Variants in DCDC2C observed in about 807,000 individuals in gnomAD.
DCDC2C encodes doublecortin domain-containing protein 2C.
Under a neutral mutation model 45.0 loss-of-function variants are expected in DCDC2C, and 44 were observed. That is an observed-to-expected ratio of 0.98 (90% CI 0.77 to 1.26). The LOEUF is 1.26. Among genes scored for constraint, DCDC2C ranks in the 50% most tolerant of loss-of-function variants. The probability of loss-of-function intolerance (pLI) is 0.00; values close to 1 mark genes in which losing one functional copy is unlikely to be tolerated. For synonymous variants in DCDC2C, 187 were observed against 178.8 expected, an observed-to-expected ratio of 1.05 and a Z score of -0.37; for missense variants, 447 against 468.9, an observed-to-expected ratio of 0.95 and a Z score of 0.43.
chr2:3,750,248 A>G (rs2148122197), intron 4 of DCDC2C, among the ~76,000 whole-genome samples: 1 of 152,264 alleles, frequency 6.6e-6, no homozygotes, highest in South Asian at 2.1e-4. Context: ...CCCCTATCGC[A>G]TGGCTATGAT....
At chr2:3,738,739 T>C (rs1043243777) in intron 3 of DCDC2C, among the ~76,000 whole-genome samples, 5 of 152,122 alleles carry the variant, frequency 3.3e-5, no homozygotes, top group African/African-American at 1.2e-4. Context: ...ACCCAATTTA[T>C]CTTGTATATG....
intron 4 of DCDC2C, among the ~76,000 whole-genome samples, chr2:3,742,613 A>T (rs1336878495): frequency 6.6e-6 from 1 of 152,206 alleles, no homozygotes; most frequent in African/African-American, 2.4e-5. Context: ...ATGTTTTGTC[A>T]TCTGGAAAAC....
intron 3 of DCDC2C, among the ~76,000 whole-genome samples, chr2:3,732,653 G>C (rs758222411): frequency 2.0e-5 from 3 of 152,164 alleles, no homozygotes; most frequent in African/African-American, 7.2e-5. Context: ...TTGTAGGACT[G>C]TGTGTATCTA....
At chr2:3,754,679 G>C (rs1448115246) in intron 6 of DCDC2C, 45 bp downstream of exon 6, 1 of 1,509,352 alleles carries the variant, frequency 6.6e-7, no homozygotes, top group African/African-American at 1.4e-5. Flanking sequence ...TTCTGATTCT[G>C]GCGTCTTCTG....
At chr2:3,732,382 C>T (rs1668897124) in intron 3 of DCDC2C, among the ~76,000 whole-genome samples, 1 of 151,960 alleles carries the variant, frequency 6.6e-6, no homozygotes, top group African/African-American at 2.4e-5. Flanking sequence ...GGTTTGAGAT[C>T]TCTGGTTGGA....
intron 10 of DCDC2C, among the ~76,000 whole-genome samples, chr2:3,826,624 C>T (rs1047367575): frequency 2.2e-4 from 34 of 151,930 alleles, no homozygotes; most frequent in Admixed American, 1.6e-3. Context: ...AGCTGGCACT[C>T]GCTGACAGGC....
chr2:3,802,723 T>A (rs1386447635), intron 10 of DCDC2C, among the ~76,000 whole-genome samples: 4 of 152,180 alleles, frequency 2.6e-5, no homozygotes, highest in Non-Finnish European at 1.5e-5. Context: ...ATATCATCAC[T>A]TGAGGGGTTA....
Position 3,761,096 on chromosome 2 carries a change from C to T in DCDC2C, c.726+6462C>T, listed in dbSNP as rs1669868539. 6.6e-6 allele frequency among the ~76,000 whole-genome samples: 1 copy of T among 152,200 alleles called. No homozygotes were observed. The highest frequency in any genetic ancestry group is 6.5e-5 in the Admixed American group (1 of 15,284). On this transcript the variant is annotated intron_variant, in intron 6 of 10. Coordinates refer to ENST00000399143, the MANE Select transcript of DCDC2C (RefSeq NM_001287444.2). The surrounding 1 kb of genome is among the most constrained non-coding windows in gnomAD (Gnocchi z 4.3). ...GAATGAAGCTACTCTCATTATATAGCATTCAGTTTTACGGGAACTGCATTT... is the reference window on the plus strand; with the variant it reads ...GAATGAAGCTACTCTCATTATATAGTATTCAGTTTTACGGGAACTGCATTT...
rs980312351 is a variant in DCDC2C at position 3,769,506 on chromosome 2, T to C, written c.954+95T>C. On this transcript the variant is annotated intron_variant, in intron 8 of 10. Transcript: ENST00000399143. Reference sequence around the variant, plus strand: ...CATCCTTCACCCTCTCCCTGCAAATTCTCTCTGGACTCTAGAATGTTCTGT... The same window carrying C: ...CATCCTTCACCCTCTCCCTGCAAATCCTCTCTGGACTCTAGAATGTTCTGT... 4.5e-6 allele frequency: 5 copies of C among 1,100,794 alleles called. No individual in the cohort carries two copies. The African/African-American group carries it at 6.2e-5, about 14-fold the overall frequency. The allele number at this position is 1,100,794 out of a possible 1,614,324, so 68.2% of individuals were successfully genotyped here. A position where few individuals can be genotyped will look rare whatever the true frequency, so the allele number is the denominator to read the frequency against.
At chr2:3,813,235 C>A (rs1419797189) in intron 10 of DCDC2C, among the ~76,000 whole-genome samples, 1 of 151,668 alleles carries the variant, frequency 6.6e-6, no homozygotes, top group Non-Finnish European at 1.5e-5. Flanking sequence ...CCATGCCTGG[C>A]TAATTTTTTG....
At chr2:3,762,381 G>A (rs1669902301) in intron 6 of DCDC2C, among the ~76,000 whole-genome samples, 1 of 152,110 alleles carries the variant, frequency 6.6e-6, no homozygotes, top group Admixed American at 6.5e-5. Flanking sequence ...GAAGCTGTGT[G>A]TATTCATTCA....
At chr2:3,801,999 T>C (rs1052477361) in intron 10 of DCDC2C, among the ~76,000 whole-genome samples, 1 of 152,224 alleles carries the variant, frequency 6.6e-6, no homozygotes, top group Non-Finnish European at 1.5e-5. Flanking sequence ...CCCATCAATG[T>C]CATGTTCCTA....
At chr2:3,791,147 CTTGT>C (rs1291966721) in intron 10 of DCDC2C, among the ~76,000 whole-genome samples, 6 of 152,078 alleles carry the variant, frequency 3.9e-5, no homozygotes, top group Admixed American at 2.6e-4. Flanking sequence ...AAGTAGAAAG[CTTGT>C]ATCCCTCTAT....
chr2:3,793,243 A>C (rs1278163068), intron 10 of DCDC2C, among the ~76,000 whole-genome samples: 2 of 152,248 alleles, frequency 1.3e-5, no homozygotes, highest in Admixed American at 1.3e-4. Flanking sequence ...ATTTACACTT[A>C]AGAATACATT....
rs557310721 is a variant in DCDC2C at position 3,769,360 on chromosome 2, G to C, written c.903G>C (p.Ala301=). 6.4e-7 allele frequency: 1 copy of C among 1,550,488 alleles called. No homozygotes were observed. Among genetic ancestry groups the C allele is most frequent in the Non-Finnish European group, 8.7e-7 (1 of 1,146,988 alleles). The change falls in exon 8 of 11, where the codon GCG becomes GCC. Residue 301 remains alanine, a synonymous_variant. Transcript: ENST00000399143. ...CTCCTAGCAAGGAAACCCAAGGGGC[G>C]CTGGACGTCAAAGAGGAGCACAATG... The part of the protein sequence containing the change: ...APTPSKETQG[A]LDVKEEHNVQ...
chr2:3,827,735 C>T, intron 10 of DCDC2C, among the ~76,000 whole-genome samples: 1 of 152,098 alleles, frequency 6.6e-6, no homozygotes, highest in Non-Finnish European at 1.5e-5. Context: ...GCTTTTTCTG[C>T]TTTCAAGAAA....
intron 10 of DCDC2C, chr2:3,788,460 T>C (rs1670712571): frequency 6.6e-6 from 1 of 152,140 alleles, no homozygotes; most frequent in African/African-American, 2.4e-5. Context: ...CACGACAGGA[T>C]GCCGTAGTGA....
At chr2:3,805,313 C>T (rs935869794) in intron 10 of DCDC2C, among the ~76,000 whole-genome samples, 5 of 152,172 alleles carry the variant, frequency 3.3e-5, no homozygotes, top group Admixed American at 6.5e-5. Flanking sequence ...TTGATGAGTC[C>T]GACCCCTGGT....
At chr2:3,716,029 G>A (rs1037457658) in intron 2 of DCDC2C, among the ~76,000 whole-genome samples, 5 of 152,108 alleles carry the variant, frequency 3.3e-5, no homozygotes, top group Admixed American at 1.3e-4. Context: ...GAGAACCGAC[G>A]GTGCAAAGGA....
Sources: gnomAD v4.1 joint callset for allele counts (sites outside exome capture counted in the v4.1 genomes callset) on GRCh38, gnomAD v4.1.1 for gene constraint, Gnocchi (gnomAD v3.1) non-coding constraint, MANE v1.5 for transcripts, NCBI Gene and HGNC (gene_info 2026-07-23, HGNC 2026-07-21) for gene names.